Variants in VGLL4 observed in about 807,000 individuals in gnomAD.
The protein encoded by VGLL4 is vestigial like family member 4, also known as transcription cofactor vestigial-like protein 4.
VGLL4 carries 7 observed loss-of-function variants against 21.0 expected under a neutral mutation model. That is an observed-to-expected ratio of 0.33 (90% CI 0.19 to 0.63). The LOEUF (loss-of-function observed/expected upper bound fraction) is 0.63. VGLL4 is among the 20% of genes least tolerant of loss of function. The pLI is 0.78. For missense variants in VGLL4, 394 were observed against 425.7 expected (o/e 0.93, Z 0.66); for synonymous variants, 222 against 173.2 (o/e 1.28, Z -2.21).
intron 2 of VGLL4, among the ~76,000 whole-genome samples, chr3:11,693,778 G>A (rs73813009): frequency 0.056 from 8,500 of 152,254 alleles, 277 homozygotes; most frequent in Middle Eastern, 0.092. Flanking sequence ...CTGAACGTAC[G>A]GCTGGTTACA....
intron 1 of VGLL4, among the ~76,000 whole-genome samples, chr3:11,614,728 T>C (rs2075129359): frequency 6.6e-6 from 1 of 152,190 alleles, no homozygotes. Flanking sequence ...AGTTCAAAGA[T>C]GTCTCAGTCC....
At chr3:11,595,854 GA>G (rs56044281) in intron 2 of VGLL4, among the ~76,000 whole-genome samples, 8 of 2,172 alleles carry the variant, frequency 3.7e-3, no homozygotes, top group South Asian at 9.0e-3. Context: ...GGGGGGCGGG[GA>G]ATAGCATTAG....
intron 2 of VGLL4, among the ~76,000 whole-genome samples, chr3:11,598,140 C>G (rs2074692290): frequency 6.6e-6 from 1 of 152,152 alleles, no homozygotes; most frequent in South Asian, 2.1e-4. Context: ...TCTCCTGTCA[C>G]AGCCTCCTGA....
chr3:11,695,183 G>T (rs1308414116), intron 2 of VGLL4, among the ~76,000 whole-genome samples: 1 of 151,662 alleles, frequency 6.6e-6, no homozygotes, highest in Non-Finnish European at 1.5e-5. Flanking sequence ...CCGAGTAGCT[G>T]GGATTACAGG....
chr3:11,657,483 C>T (rs2075974491), intron 2 of VGLL4, among the ~76,000 whole-genome samples: 1 of 151,426 alleles, frequency 6.6e-6, no homozygotes, highest in Admixed American at 6.6e-5. Context: ...GGCTCATTTT[C>T]CTGCTGGTAT....
At chr3:11,680,731 C>T (rs1243369947) in intron 2 of VGLL4, among the ~76,000 whole-genome samples, 2 of 152,192 alleles carry the variant, frequency 1.3e-5, no homozygotes, top group African/African-American at 2.4e-5. Context: ...ATGGAAAGGA[C>T]GCCTGCTAGG....
chr3:11,558,769 A>G lies in VGLL4; in HGVS notation c.678T>C (p.Asn226=). 3.1e-6 allele frequency: 5 copies of G among 1,614,086 alleles called. No individual in the cohort carries two copies. The highest frequency in any genetic ancestry group is 4.2e-6 in the Non-Finnish European group (5 of 1,180,022). The stretch of plus-strand genomic sequence containing the variant: ...TGGGTGCCGGCTCGGGCTCCTTGTA[A>G]TTCTTGCCCAGGCTCCTGCGGAAAT... ...EEHFRRSLGK[N]YKEPEPAPNS... Residue 226 remains asparagine (N), a synonymous_variant, in exon 5 of 5, where the codon AAT becomes AAC. Transcript: ENST00000430365.
At chr3:11,694,893 AGCTTTTATTG>A (rs1194568109) in intron 2 of VGLL4, among the ~76,000 whole-genome samples, 1 of 152,174 alleles carries the variant, frequency 6.6e-6, no homozygotes, top group Non-Finnish European at 1.5e-5. Flanking sequence ...TGTCACGGCT[AGCTTTTATTG>A]GCTATATTTA....
At chr3:11,590,700 G>GTT (rs1559884309) in intron 2 of VGLL4, among the ~76,000 whole-genome samples, 1 of 151,136 alleles carries the variant, frequency 6.6e-6, no homozygotes, top group African/African-American at 2.4e-5. Context: ...GTGTGTGTGT[G>GTT]TGTGTGTGTG....
intron 2 of VGLL4, among the ~76,000 whole-genome samples, chr3:11,575,877 G>C (rs909237219): frequency 6.6e-6 from 1 of 152,192 alleles, no homozygotes; most frequent in Non-Finnish European, 1.5e-5. Context: ...ATGTGTGCAG[G>C]CTTTCCAGAC....
intron 2 of VGLL4, among the ~76,000 whole-genome samples, chr3:11,667,769 A>G (rs1163710620): frequency 6.6e-6 from 1 of 151,462 alleles, no homozygotes; most frequent in Admixed American, 6.6e-5. Context: ...TTGTTCTACA[A>G]TTAACAAACG....
chr3:11,649,173 T>C (rs892037393), intron 2 of VGLL4, among the ~76,000 whole-genome samples: 9 of 152,198 alleles, frequency 5.9e-5, no homozygotes, highest in Non-Finnish European at 8.8e-5. Flanking sequence ...TACGCAGCCA[T>C]TACAACACCT....
Position 11,568,512 on chromosome 3 carries a change from T to G in VGLL4, c.273-3493A>C. The G allele has an allele frequency of 1.3e-6, 2 of 1,498,204 alleles. No homozygotes were observed. The highest frequency in any genetic ancestry group is 1.8e-6 in the Non-Finnish European group (2 of 1,099,294). 92.8% of individuals were successfully genotyped at this position (1,498,204 alleles called of 1,614,324 possible). A position where few individuals can be genotyped will look rare whatever the true frequency, so the allele number is the denominator to read the frequency against. ...AGACAGTCCGTGGAACACAGCACAG[T>G]GGGCACTATGGGTCAGACAAAGACA... On this transcript the variant is annotated intron_variant, in intron 2 of 4. Coordinates refer to ENST00000430365, the MANE Select transcript of VGLL4 (RefSeq NM_001128219.3). The surrounding 1 kb of genome is among the most constrained non-coding windows in gnomAD (Gnocchi z 5.9).
chr3:11,599,745 C>A (rs529149598), intron 2 of VGLL4, among the ~76,000 whole-genome samples: 8 of 149,308 alleles, frequency 5.4e-5, no homozygotes, highest in African/African-American at 2.0e-4. Context: ...GTCTCGAACT[C>A]CTGGCCTCAG....
rs991883703 is a variant in VGLL4 at position 11,715,009 on chromosome 3, C to T, written c.-14+5385G>A. Among the ~76,000 whole-genome samples the T allele has an allele frequency of 3.3e-5, 5 of 152,022 alleles. No individual in the cohort carries two copies. In the East Asian group the frequency reaches 9.7e-4, roughly 30 times the overall value. ...AATTAGCCAGGCACGGTGGCGGGCG[C>T]CTGTAGTCCCAGCTACTCGAGAGGC... On this transcript the variant is annotated intron_variant, in intron 1 of 5. Transcript: ENST00000273038.
intron 2 of VGLL4, among the ~76,000 whole-genome samples, chr3:11,577,995 G>T (rs1272529247): frequency 2.6e-5 from 4 of 152,176 alleles, no homozygotes; most frequent in Non-Finnish European, 5.9e-5. Context: ...ATTTAAGAGG[G>T]TCACACTCCA....
At chr3:11,649,757 C>T (rs1275060563) in intron 2 of VGLL4, among the ~76,000 whole-genome samples, 1 of 152,136 alleles carries the variant, frequency 6.6e-6, no homozygotes, top group Non-Finnish European at 1.5e-5. Flanking sequence ...TGTGTACGTG[C>T]TTTTTATCTT....
At chr3:11,713,825 G>A (rs2076883078) in intron 1 of VGLL4, among the ~76,000 whole-genome samples, 1 of 151,896 alleles carries the variant, frequency 6.6e-6, no homozygotes, top group African/African-American at 2.4e-5. Flanking sequence ...CAGAAAGTGA[G>A]ACCCCCATTA....
intron 1 of VGLL4, among the ~76,000 whole-genome samples, chr3:11,608,961 A>G (rs1052393234): frequency 1.4e-4 from 21 of 152,110 alleles, no homozygotes; most frequent in African/African-American, 5.1e-4. Flanking sequence ...TCCTGGGTTC[A>G]AGTGATTCTC....
Sources: allele counts gnomAD v4.1 joint callset (sites outside exome capture counted in the v4.1 genomes callset), GRCh38; gene constraint gnomAD v4.1.1; non-coding constraint Gnocchi (gnomAD v3.1); transcripts MANE v1.5; gene names NCBI Gene and HGNC (gene_info 2026-07-23, HGNC 2026-07-21).